The following PIP4K2A variants were observed in gnomAD, a reference collection of about 807,000 sequenced individuals.
The protein encoded by PIP4K2A is phosphatidylinositol 5-phosphate 4-kinase type-2 alpha.
In PIP4K2A, 14 loss-of-function variants were observed where a neutral mutation model predicts 42.9. The observed-to-expected ratio is 0.33, with a 90% confidence interval of 0.22 to 0.51. PIP4K2A has a LOEUF of 0.51. PIP4K2A is among the 20% of genes least tolerant of loss of function. The pLI is 0.97. For synonymous variants in PIP4K2A, 192 were observed against 192.2 expected (o/e 1.00, Z 0.01); for missense variants, 434 against 519.8 (o/e 0.83, Z 1.61).
chr10:22,615,375 C>T (rs1425512025), intron 1 of PIP4K2A, among the ~76,000 whole-genome samples: 2 of 152,190 alleles, frequency 1.3e-5, no homozygotes, highest in Non-Finnish European at 2.9e-5. Context: ...AGGCATGAAC[C>T]ATCCCACCTG....
chr10:22,594,918 A>G lies in PIP4K2A; in HGVS notation c.340-3137T>C, dbSNP rs987202637. ...AATCTTGATTCTGTCTCAAATCACC[A>G]TTTTAATAATCCACGTGAGTAGCCC... On this transcript the variant is annotated intron_variant, in intron 3 of 9. Transcript: ENST00000376573. Among the ~76,000 whole-genome samples the G allele has an allele frequency of 2.0e-5, 3 of 152,212 alleles. No homozygotes were observed. In the East Asian group the frequency reaches 5.8e-4, roughly 29 times the overall value.
chr10:22,626,736 A>G (rs1838448364), intron 1 of PIP4K2A, among the ~76,000 whole-genome samples: 1 of 152,172 alleles, frequency 6.6e-6, no homozygotes, highest in Non-Finnish European at 1.5e-5. Context: ...CATAAGCTCA[A>G]TTTCTTTTTC....
chr10:22,566,602 T>C (rs1238352397), intron 6 of PIP4K2A, among the ~76,000 whole-genome samples: 1 of 152,196 alleles, frequency 6.6e-6, no homozygotes, highest in Non-Finnish European at 1.5e-5. Context: ...GGCTACTTCA[T>C]CAGCCTCTCT....
At chr10:22,632,608 T>C (rs1444311441) in intron 1 of PIP4K2A, among the ~76,000 whole-genome samples, 2 of 152,194 alleles carry the variant, frequency 1.3e-5, no homozygotes, top group Non-Finnish European at 2.9e-5. Context: ...CTATTCCATG[T>C]GCAAGAAGCA....
At chr10:22,597,489 C>A (rs1837660454) in intron 3 of PIP4K2A, among the ~76,000 whole-genome samples, 1 of 152,080 alleles carries the variant, frequency 6.6e-6, no homozygotes, top group Non-Finnish European at 1.5e-5. Flanking sequence ...CTGGTTTCTG[C>A]CTTTAGAAGA....
intron 1 of PIP4K2A, among the ~76,000 whole-genome samples, chr10:22,664,060 T>TAC (rs1554807174): frequency 5.1e-4 from 42 of 83,074 alleles, no homozygotes; most frequent in African/African-American, 3.9e-3. Context: ...TATGTATATA[T>TAC]ACATATATAT....
chr10:22,565,417 T>C (rs1479114174), intron 6 of PIP4K2A, among the ~76,000 whole-genome samples: 1 of 152,222 alleles, frequency 6.6e-6, no homozygotes, highest in East Asian at 1.9e-4. Flanking sequence ...CTTATGCCTG[T>C]CTTTACTGCA....
intron 1 of PIP4K2A, among the ~76,000 whole-genome samples, chr10:22,652,057 T>C (rs769338824): frequency 2.6e-5 from 4 of 152,174 alleles, no homozygotes; most frequent in African/African-American, 9.7e-5. Flanking sequence ...CTGTAACTGA[T>C]ACAGTGCTTA....
intron 7 of PIP4K2A, 84 bp from the exon 8 acceptor site, chr10:22,542,131 C>T: frequency 1.6e-6 from 2 of 1,281,888 alleles, no homozygotes; most frequent in Non-Finnish European, 2.2e-6. Context: ...GGGTGACACC[C>T]AGAGGGAAGG....
chr10:22,537,710 GATGACTTAAAACCGC>G (rs1309183661), intron 9 of PIP4K2A, among the ~76,000 whole-genome samples: 2 of 152,186 alleles, frequency 1.3e-5, no homozygotes, highest in African/African-American at 4.8e-5. Context: ...CCTTAATGAC[GATGACTTAAAACCGC>G]ATGATTTCTT....
intron 4 of PIP4K2A, among the ~76,000 whole-genome samples, chr10:22,573,887 G>A (rs951594985): frequency 3.3e-4 from 50 of 152,238 alleles, no homozygotes; most frequent in African/African-American, 1.2e-3. Context: ...TGTTGAAGTC[G>A]AGATGAAAGA....
At chr10:22,602,049 T>C (rs1163232118) in intron 3 of PIP4K2A, among the ~76,000 whole-genome samples, 1 of 152,204 alleles carries the variant, frequency 6.6e-6, no homozygotes, top group Non-Finnish European at 1.5e-5. Context: ...CCTGATTTCC[T>C]TATCTCCCTT....
At chr10:22,646,669 C>T (rs576160254) in intron 1 of PIP4K2A, among the ~76,000 whole-genome samples, 2 of 152,328 alleles carry the variant, frequency 1.3e-5, no homozygotes, top group African/African-American at 4.8e-5. Context: ...GCGTTTGTAA[C>T]TTGGGAGGGA....
At chr10:22,692,343 C>A (rs1466963768) in intron 1 of PIP4K2A, among the ~76,000 whole-genome samples, 2 of 152,102 alleles carry the variant, frequency 1.3e-5, no homozygotes, top group Non-Finnish European at 2.9e-5. Flanking sequence ...GCTGTAAATA[C>A]AGATGAAGCT....
chr10:22,619,025 T>A (rs1177771942), intron 1 of PIP4K2A, among the ~76,000 whole-genome samples: 3 of 152,240 alleles, frequency 2.0e-5, no homozygotes, highest in African/African-American at 7.2e-5. Context: ...TAAACATTTT[T>A]AATCTGATTT....
At chr10:22,589,705 G>A (rs915722784) in intron 4 of PIP4K2A, among the ~76,000 whole-genome samples, 1 of 152,210 alleles carries the variant, frequency 6.6e-6, no homozygotes, top group African/African-American at 2.4e-5. Context: ...TGTTTAAACA[G>A]ACATCTAGGA....
At chr10:22,581,614 A>G (rs958445604) in intron 4 of PIP4K2A, among the ~76,000 whole-genome samples, 1 of 149,768 alleles carries the variant, frequency 6.7e-6, no homozygotes, top group African/African-American at 2.4e-5. Context: ...CCTTTTATTA[A>G]GTACCGTTCA....
intron 1 of PIP4K2A, among the ~76,000 whole-genome samples, chr10:22,674,464 A>G (rs1261523084): frequency 1.3e-5 from 2 of 150,392 alleles, no homozygotes; most frequent in African/African-American, 2.5e-5. Flanking sequence ...TGTTTCTCCT[A>G]CTCAAAGTTA....
At position 22,555,236 on chromosome 10, in the gene PIP4K2A, T is replaced by G. The variant is rs955698367; in HGVS notation, c.679-4464A>C. On this transcript the variant is annotated intron_variant, in intron 6 of 9. Transcript: ENST00000376573. The stretch of plus-strand genomic sequence containing the variant: ...ACACACTAGATCCAGGCTGCCTGGG[T>G]TGTAGCTCCGCAACTCCAATTATTA... Among the ~76,000 whole-genome samples, 5 of 152,068 alleles carry G rather than the reference T, an allele frequency of 3.3e-5. No homozygotes were observed. In the East Asian group the frequency reaches 9.6e-4, roughly 29 times the overall value.
Sources: gnomAD v4.1 joint callset for allele counts (sites outside exome capture counted in the v4.1 genomes callset) on GRCh38, gnomAD v4.1.1 for gene constraint, MANE v1.5 for transcripts, NCBI Gene and HGNC (gene_info 2026-07-23, HGNC 2026-07-21) for gene names.